MIDEAS: variants seen among roughly 807,000 people sequenced by gnomAD.
MIDEAS encodes mitotic deacetylase-associated SANT domain protein.
MIDEAS carries 26 observed loss-of-function variants against 102.7 expected under a neutral mutation model. The ratio of observed to expected loss-of-function variants is 0.25; its 90% CI spans 0.19 to 0.35. The LOEUF is 0.35. MIDEAS is among the 10% of genes least tolerant of loss of function. The pLI, the probability that MIDEAS is intolerant of heterozygous loss-of-function variation, is 1.00. For synonymous variants in MIDEAS, 585 were observed against 591.0 expected, an observed-to-expected ratio of 0.99 and a Z score of 0.15; for missense variants, 1,231 against 1,435.6, an observed-to-expected ratio of 0.86 and a Z score of 2.30.
At chr14:73,776,103 C>T (rs2053685791) in intron 1 of MIDEAS, among the ~76,000 whole-genome samples, 1 of 151,964 alleles carries the variant, frequency 6.6e-6, no homozygotes. Context: ...CCAAGAGTCT[C>T]ACCCAACCTT....
At chr14:73,737,447 C>T in intron 2 of MIDEAS, 150 bp from the exon 3 acceptor site, 1 of 865,010 alleles carries the variant, frequency 1.2e-6, no homozygotes, top group Non-Finnish European at 1.7e-6. Context: ...AACATAGTGA[C>T]ACCTCGTCTC....
intron 1 of MIDEAS, among the ~76,000 whole-genome samples, chr14:73,751,329 C>G (rs2053415936): frequency 6.6e-6 from 1 of 152,226 alleles, no homozygotes; most frequent in Non-Finnish European, 1.5e-5. Flanking sequence ...CACCAGGCTG[C>G]CTGGGATAGA....
At chr14:73,728,154 C>G (rs1448357334) in intron 4 of MIDEAS, 1 of 151,834 alleles carries the variant, frequency 6.6e-6, no homozygotes, top group African/African-American at 2.4e-5. Flanking sequence ...AATTCTCCTC[C>G]CTCAGCCTCC....
intron 1 of MIDEAS, among the ~76,000 whole-genome samples, chr14:73,758,154 G>A (rs889321024): frequency 6.6e-6 from 1 of 151,756 alleles, no homozygotes; most frequent in African/African-American, 2.4e-5. Flanking sequence ...GCAACGAGAT[G>A]GTTTATCACA....
Position 73,726,971 on chromosome 14 carries a change from G to A in MIDEAS, c.2164C>T (p.Arg722Trp), listed in dbSNP as rs1165071367. 1.3e-6 allele frequency: 2 copies of A among 1,591,356 alleles called. No homozygotes were observed. Among genetic ancestry groups the A allele is most frequent in the African/African-American group, 1.3e-5 (1 of 74,206 alleles). ...TGGAACCGGGAGCCCACGTTGATCC[G>A]TCTAGAGGAGTGAAAAGGGCAGGAA... is the stretch of plus-strand genomic sequence containing the variant. ...GEATPVSIEP[R>W]INVGSRFQAE... Residue 722 changes from arginine to tryptophan, a missense_variant and splice_region_variant, in exon 6 of 13, where the codon CGG (arginine) becomes TGG (tryptophan). Physicochemically the swap from Arg to Trp is moderately radical, Grantham distance 101 (BLOSUM62 -3). This residue lies in a region of MIDEAS where 391 missense variants were observed against 483.0 expected (regional missense o/e 0.81). Transcript: ENST00000423556.
intron 3 of MIDEAS, among the ~76,000 whole-genome samples, chr14:73,735,238 A>G (rs2053187002): frequency 6.6e-6 from 1 of 152,252 alleles, no homozygotes; most frequent in South Asian, 2.1e-4. Context: ...CAAAATAGCT[A>G]AAAGAGCAGA....
At chr14:73,772,031 G>A (rs1031356352) in intron 1 of MIDEAS, among the ~76,000 whole-genome samples, 2 of 152,242 alleles carry the variant, frequency 1.3e-5, no homozygotes, top group African/African-American at 2.4e-5. Context: ...CCATGAAAAC[G>A]CAGGTGTGAA....
chr14:73,732,270 G>C (rs1021819832), intron 3 of MIDEAS, among the ~76,000 whole-genome samples: 8 of 152,142 alleles, frequency 5.3e-5, no homozygotes, highest in African/African-American at 1.2e-4. Flanking sequence ...AGAAAATCTG[G>C]ACTCGATGTG....
rs1049926575 is a variant in MIDEAS at position 73,742,217 on chromosome 14, C to A, written c.-247-1962G>T. 6.6e-6 allele frequency among the ~76,000 whole-genome samples: 1 copy of A among 152,250 alleles called. No individual in the cohort carries two copies. The highest frequency in any genetic ancestry group is 1.5e-5 in the Non-Finnish European group (1 of 68,044). On this transcript the variant is annotated intron_variant, in intron 1 of 12. Coordinates refer to ENST00000423556, the MANE Select transcript of MIDEAS (RefSeq NM_001367710.1). The surrounding 1 kb of genome is among the most constrained non-coding windows in gnomAD (Gnocchi z 4.4). ...TGCGCCAGCCTGGCAAGCCCACGTG[C>A]CTCCAGGGGGCTGCGAGCCCCTCCA...
intron 3 of MIDEAS, among the ~76,000 whole-genome samples, chr14:73,734,505 T>C (rs903828173): frequency 6.6e-6 from 1 of 152,178 alleles, no homozygotes; most frequent in African/African-American, 2.4e-5. Flanking sequence ...CCTCTTGGGC[T>C]CAAGCGATCC....
intron 1 of MIDEAS, among the ~76,000 whole-genome samples, chr14:73,778,735 C>T (rs1202389766): frequency 6.6e-6 from 1 of 151,990 alleles, no homozygotes; most frequent in Non-Finnish European, 1.5e-5. Flanking sequence ...GGGCACTGCC[C>T]TCTCCCAGCC....
At chr14:73,745,796 A>G (rs2053343992) in intron 1 of MIDEAS, among the ~76,000 whole-genome samples, 1 of 152,202 alleles carries the variant, frequency 6.6e-6, no homozygotes, top group Admixed American at 6.5e-5. Context: ...GTTTGCAAAC[A>G]AGGAGGCTCT....
At chr14:73,771,141 T>C (rs1175248415) in intron 1 of MIDEAS, among the ~76,000 whole-genome samples, 2 of 152,310 alleles carry the variant, frequency 1.3e-5, no homozygotes, top group Admixed American at 1.3e-4. Context: ...AGGCGTGCCC[T>C]GAGCCCATAC....
At chr14:73,779,572 T>A (rs200481163) in intron 1 of MIDEAS, among the ~76,000 whole-genome samples, 12 of 28,314 alleles carry the variant, frequency 4.2e-4, no homozygotes, top group Admixed American at 1.2e-3. Context: ...TTATTATTAT[T>A]ATTTTTTTTT....
intron 3 of MIDEAS, among the ~76,000 whole-genome samples, chr14:73,732,350 G>GA (rs147940377): frequency 4.9e-4 from 75 of 152,074 alleles, no homozygotes; most frequent in Admixed American, 1.2e-3. Flanking sequence ...AGATCTAGGT[G>GA]AAAAAAAAGA....
Position 73,739,917 on chromosome 14 carries a change from G to A in MIDEAS, c.92C>T (p.Pro31Leu), listed in dbSNP as rs745330964. The A allele has an allele frequency of 6.5e-7, 1 of 1,540,014 alleles. No homozygotes were observed. Among genetic ancestry groups the A allele is most frequent in the East Asian group, 2.3e-5 (1 of 44,084 alleles). ...GATGGACTGCTGGGGGGGCTGCAGG[G>A]GAGGGGGCTGCTCCTTGGGAGCTGG... is the stretch of plus-strand genomic sequence containing the variant. Reference protein sequence around the residue: ...QEPAPKEQPPPLQPPQQSIRV... With the variant: ...QEPAPKEQPPLLQPPQQSIRV... The change falls in exon 2 of 13, where the codon CCC becomes CTC. Residue 31 changes from proline (P) to leucine (L), a missense_variant. This residue lies in a region of MIDEAS where 758 missense variants were observed against 856.0 expected (regional missense o/e 0.89). Coordinates refer to ENST00000423556, the MANE Select transcript of MIDEAS (RefSeq NM_001367710.1).
At chr14:73,783,681 C>T (rs933340832) in intron 1 of MIDEAS, among the ~76,000 whole-genome samples, 1 of 152,174 alleles carries the variant, frequency 6.6e-6, no homozygotes, top group Non-Finnish European at 1.5e-5. Context: ...AGTCGTAAAG[C>T]GTTTGCCCTG....
rs1016093609 is a variant in MIDEAS, at chr14:73,716,805, C to G, written c.*2038G>C. 8.6e-5 allele frequency: 13 copies of G among 151,814 alleles called. No homozygotes were observed. The highest frequency in any genetic ancestry group is 2.9e-5 in the Non-Finnish European group (2 of 67,976). 9.4% of individuals were successfully genotyped at this position (151,814 alleles called of 1,614,324 possible). On this transcript the variant is annotated 3_prime_UTR_variant, in exon 13 of 13. Coordinates refer to ENST00000423556, the MANE Select transcript of MIDEAS (RefSeq NM_001367710.1). ...CGTATGCCCATAAAGGGGCCTGAAA[C>G]CAAATATGATTTGAATAGAAAAGAC...
rs2053052985 is a variant in MIDEAS at position 73,725,821 on chromosome 14, G to A, written c.2485+212C>T. 6.6e-6 allele frequency among the ~76,000 whole-genome samples: 1 copy of A among 152,066 alleles called. No individual in the cohort carries two copies. The highest frequency in any genetic ancestry group is 2.1e-4 in the South Asian group (1 of 4,818). ...TTTTTGCCTGGATGGTCTCCCACCT[G>A]CCCACTCCCTTCTCCCCTCCCCTCC... On this transcript the variant is annotated intron_variant, in intron 8 of 12. Coordinates refer to ENST00000423556, the MANE Select transcript of MIDEAS (RefSeq NM_001367710.1). This position sits in a 1 kb window ranked among gnomAD's most constrained non-coding sequence, Gnocchi z 4.1.
Sources: allele counts gnomAD v4.1 joint callset (sites outside exome capture counted in the v4.1 genomes callset), GRCh38; gene constraint gnomAD v4.1.1; regional missense constraint gnomAD v4.1.1; non-coding constraint Gnocchi (gnomAD v3.1); transcripts MANE v1.5; gene names NCBI Gene and HGNC (gene_info 2026-07-23, HGNC 2026-07-21).